The following NAF1 variants were observed in gnomAD, a reference collection of about 807,000 sequenced individuals.
NAF1 encodes H/ACA ribonucleoprotein complex non-core subunit NAF1.
Under a neutral mutation model 40.6 loss-of-function variants are expected in NAF1, and 11 were observed. The ratio of observed to expected loss-of-function variants is 0.27; its 90% confidence interval spans 0.17 to 0.45. NAF1 has a LOEUF of 0.45. Among genes scored for constraint, NAF1 ranks in the 20% least tolerant of loss-of-function variants. The pLI is 1.00. For missense variants in NAF1, 607 were observed against 611.1 expected (o/e 0.99, Z 0.07); for synonymous variants, 260 against 228.5 (o/e 1.14, Z -1.24).
intron 2 of NAF1, among the ~76,000 whole-genome samples, chr4:163,158,841 G>A (rs892653903): frequency 6.6e-6 from 1 of 152,008 alleles, no homozygotes; most frequent in East Asian, 1.9e-4. Flanking sequence ...AAATGCCACA[G>A]AGTATTAGCC....
In NAF1 at chr4:163,118,640, C is replaced by T. The variant is rs143181545; in HGVS notation, c.115-8350G>A. On this transcript the variant is annotated intron_variant, in intron 2 of 2. Transcript: ENST00000509434. Reference sequence around the variant, plus strand: ...TGGTGGCACATGCCTGTAGTCCCAGCTACTTGGGAGGATGAGGCACAAGAA... The same window carrying T: ...TGGTGGCACATGCCTGTAGTCCCAGTTACTTGGGAGGATGAGGCACAAGAA... Among the ~76,000 whole-genome samples, 969 of 152,212 alleles carry T rather than the reference C, an allele frequency of 6.4e-3. 14 individuals are homozygous for T. Among genetic ancestry groups the T allele is most frequent in the African/African-American group, 0.022 (894 of 41,534 alleles).
rs1560814442 is a variant in NAF1 at position 163,166,782 on chromosome 4, A to G, written c.-55T>C. On this transcript the variant is annotated 5_prime_UTR_variant, in exon 1 of 8. Transcript: ENST00000274054. The stretch of plus-strand genomic sequence containing the variant: ...AGGATTGGGGCCCCTGGACAAGCTC[A>G]CGGCTCTCTCCAGAAATAGAAAAAC... 6.2e-7 allele frequency: 1 copy of G among 1,601,808 alleles called. No homozygotes were observed. Among genetic ancestry groups the G allele is most frequent in the Non-Finnish European group, 8.5e-7 (1 of 1,175,024 alleles).
At chr4:163,144,072 C>A in intron 4 of NAF1, 1 of 934,304 alleles carries the variant, frequency 1.1e-6, no homozygotes, top group Non-Finnish European at 1.3e-6. Flanking sequence ...CCAAACAAGA[C>A]AGTAATATAA....
Position 163,166,886 on chromosome 4 carries a change from G to C in NAF1, c.-159C>G. The C allele has an allele frequency of 3.0e-6, 3 of 984,240 alleles. No homozygotes were observed. Among genetic ancestry groups the C allele is most frequent in the South Asian group, 3.5e-5 (2 of 57,476 alleles). 61.0% of individuals were successfully genotyped at this position (984,240 alleles called of 1,614,324 possible). On this transcript the variant is annotated 5_prime_UTR_variant, in exon 1 of 8. Coordinates refer to ENST00000274054, the MANE Select transcript of NAF1 (RefSeq NM_138386.3). ...GTAACTACACGCGGAGGAGCCAAAAGACACGCCCCCGCCATTTACGCAGCA... is the reference window on the plus strand; with the variant it reads ...GTAACTACACGCGGAGGAGCCAAAACACACGCCCCCGCCATTTACGCAGCA...
At chr4:163,163,889 T>C (rs570829356) in intron 2 of NAF1, among the ~76,000 whole-genome samples, 2 of 151,948 alleles carry the variant, frequency 1.3e-5, no homozygotes, top group Non-Finnish European at 2.9e-5. Context: ...TTGAGCAAAA[T>C]TTTCTGACGT....
chr4:163,165,373 C>T (rs1732410032), intron 1 of NAF1, among the ~76,000 whole-genome samples: 1 of 152,154 alleles, frequency 6.6e-6, no homozygotes, highest in African/African-American at 2.4e-5. Context: ...TATTATGACG[C>T]CATATCCCTT....
chr4:163,140,223 T>C lies in NAF1; in HGVS notation c.878A>G (p.Gln293Arg). 1 of 1,586,194 alleles carries C rather than the reference T, an allele frequency of 6.3e-7. No homozygotes were observed. Among genetic ancestry groups the C allele is most frequent in the Non-Finnish European group, 8.5e-7 (1 of 1,171,028 alleles). ...TQYIFTEKLKQDKGSDASWKN... is the reference protein window; with the variant it reads ...TQYIFTEKLKRDKGSDASWKN... ...AACAACATGCCGGTAAAGTACTTAC[T>C]GTTTTAGTTTTTCTGTGAATATATA... is the stretch of plus-strand genomic sequence containing the variant. Residue 293 changes from glutamine to arginine, a missense_variant and splice_region_variant, in exon 5 of 8, where the codon CAG becomes CGG. Physicochemically the swap from Gln to Arg is conservative, Grantham distance 43. Around this residue, in one of 3 missense-constraint regions of NAF1, gnomAD observed 407 missense variants for 365.5 expected, o/e 1.11. Coordinates refer to ENST00000274054, the MANE Select transcript of NAF1 (RefSeq NM_138386.3).
intron 3 of NAF1, among the ~76,000 whole-genome samples, chr4:163,146,209 G>A (rs1478211972): frequency 6.6e-6 from 1 of 152,150 alleles, no homozygotes; most frequent in Non-Finnish European, 1.5e-5. Context: ...ACGTTTAGTT[G>A]TAAAACTGTT....
intron 4 of NAF1, 129 bp downstream of exon 4, chr4:163,145,653 C>G (rs1731434770): frequency 7.9e-6 from 5 of 630,144 alleles, no homozygotes; most frequent in Non-Finnish European, 5.5e-6. Flanking sequence ...CAAGAACGTA[C>G]TGAAATTAGA....
At chr4:163,157,807 T>A (rs1399957980) in intron 2 of NAF1, among the ~76,000 whole-genome samples, 2 of 152,012 alleles carry the variant, frequency 1.3e-5, no homozygotes, top group East Asian at 3.9e-4. Flanking sequence ...ATCCATCCTA[T>A]TAAAAATGAG....
intron 2 of NAF1, among the ~76,000 whole-genome samples, chr4:163,151,627 CTG>C (rs1229879427): frequency 6.6e-6 from 1 of 152,076 alleles, no homozygotes; most frequent in Non-Finnish European, 1.5e-5. Context: ...ATTTTAACAA[CTG>C]TGGTTTTCAT....
chr4:163,117,815 A>G (rs997291721), intron 2 of NAF1, among the ~76,000 whole-genome samples: 4 of 152,052 alleles, frequency 2.6e-5, no homozygotes, highest in Admixed American at 1.3e-4. Flanking sequence ...TTACTGAATG[A>G]TCATATAAAG....
At chr4:163,145,666 G>C (rs925530328) in intron 4 of NAF1, 116 bp downstream of exon 4, 7 of 683,242 alleles carry the variant, frequency 1.0e-5, no homozygotes, top group South Asian at 1.8e-5. Context: ...AAATTAGAGA[G>C]CTCTAGATTG....
At chr4:163,131,819 C>A (rs1730885715) in intron 7 of NAF1, among the ~76,000 whole-genome samples, 1 of 152,174 alleles carries the variant, frequency 6.6e-6, no homozygotes. Context: ...AAATATTTGA[C>A]AGAAAGCTAG....
chr4:163,114,229 T>A (rs1730256235), intron 2 of NAF1, among the ~76,000 whole-genome samples: 1 of 152,198 alleles, frequency 6.6e-6, no homozygotes, highest in East Asian at 1.9e-4. Context: ...GTCTGTGGAA[T>A]CTACTGCCTC....
chr4:163,150,666 A>G (rs1324076700), intron 2 of NAF1, among the ~76,000 whole-genome samples: 2 of 152,126 alleles, frequency 1.3e-5, no homozygotes, highest in Non-Finnish European at 2.9e-5. Context: ...CAGTGGTACT[A>G]TAATACACTA....
intron 2 of NAF1, among the ~76,000 whole-genome samples, chr4:163,154,530 G>T (rs1034210438): frequency 6.6e-6 from 1 of 152,192 alleles, no homozygotes; most frequent in African/African-American, 2.4e-5. Context: ...GTGGAGGTCT[G>T]AATTAAGGGA....
At chr4:163,109,971 CTTT>C, downstream of NAF1, 1 of 350,234 alleles carries the variant, frequency 2.9e-6, no homozygotes, top group Non-Finnish European at 5.1e-6. Context: ...CCTTATCTTA[CTTT>C]TGTATGTCTC....
the NAF1 span, among the ~76,000 whole-genome samples, chr4:163,104,774 A>C: frequency 6.6e-6 from 1 of 152,226 alleles, no homozygotes; most frequent in Non-Finnish European, 1.5e-5. Context: ...TGGCAAAGCA[A>C]TCTTTCCACT....
Sources: allele counts gnomAD v4.1 joint callset (sites outside exome capture counted in the v4.1 genomes callset), GRCh38; gene constraint gnomAD v4.1.1; regional missense constraint gnomAD v4.1.1; transcripts MANE v1.5; gene names NCBI Gene and HGNC (gene_info 2026-07-23, HGNC 2026-07-21).